The following ELL variants were observed in gnomAD, a reference collection of about 807,000 sequenced individuals.
ELL encodes the protein RNA polymerase II elongation factor ELL.
Under a neutral mutation model 64.0 loss-of-function variants are expected in ELL, and 18 were observed. The ratio of observed to expected loss-of-function variants is 0.28; its 90% CI spans 0.19 to 0.42. ELL has a LOEUF of 0.42. ELL is among the 10% of genes least tolerant of loss of function. The probability of loss-of-function intolerance (pLI) is 1.00; values close to 1 mark genes in which losing one functional copy is unlikely to be tolerated. For missense variants in ELL, 797 were observed against 870.4 expected (o/e 0.92, Z 1.06); for synonymous variants, 399 against 376.2 (o/e 1.06, Z -0.70).
At chr19:18,451,306 T>A (rs1166995203) in intron 7 of ELL, among the ~76,000 whole-genome samples, 1 of 152,126 alleles carries the variant, frequency 6.6e-6, no homozygotes, top group East Asian at 1.9e-4. Context: ...TGAGCCCACA[T>A]CAGGGAGCCG....
chr19:18,477,083 C>T (rs1975191655), intron 1 of ELL, among the ~76,000 whole-genome samples: 1 of 152,148 alleles, frequency 6.6e-6, no homozygotes, highest in Admixed American at 6.6e-5. Context: ...ACTGAACAGA[C>T]AGGGGCTTTG....
In ELL at chr19:18,466,052, C is replaced by T. The variant is rs1974929290; in HGVS notation, c.184-134G>A. 2.7e-5 allele frequency: 24 copies of T among 884,632 alleles called. 1 individual carries two copies. In the Admixed American group the frequency reaches 9.9e-4, roughly 36 times the overall value. The allele number at this position is 884,632 out of a possible 1,614,324, so 54.8% of individuals were successfully genotyped here. ...GCTGGCCCTTTTCCCTAAAACACAC[C>T]CCTGCTCTTCAGCCAGTGACGGGAC... On this transcript the variant is annotated intron_variant, in intron 2 of 11. Coordinates refer to ENST00000262809, the MANE Select transcript of ELL (RefSeq NM_006532.4).
At chr19:18,515,176 C>T (rs1976103335) in intron 1 of ELL, among the ~76,000 whole-genome samples, 1 of 152,254 alleles carries the variant, frequency 6.6e-6, no homozygotes, top group Non-Finnish European at 1.5e-5. Context: ...CTCACACACA[C>T]TCTTGCCTGC....
chr19:18,468,911 GCC>G (rs774662764), intron 2 of ELL, among the ~76,000 whole-genome samples: 108 of 152,252 alleles, frequency 7.1e-4, no homozygotes, highest in Non-Finnish European at 1.3e-3. Flanking sequence ...CACTGACAGG[GCC>G]CCCCTGCCTG....
intron 2 of ELL, among the ~76,000 whole-genome samples, chr19:18,467,021 C>T (rs1974952429): frequency 6.6e-6 from 1 of 152,202 alleles, no homozygotes; most frequent in Non-Finnish European, 1.5e-5. Flanking sequence ...TGCCACCAGA[C>T]ACGTGGAGGA....
intron 4 of ELL, among the ~76,000 whole-genome samples, chr19:18,462,864 G>A (rs1974856347): frequency 6.6e-6 from 1 of 152,180 alleles, no homozygotes; most frequent in Non-Finnish European, 1.5e-5. Context: ...TGAAGACCCT[G>A]AGGTGCAAGT....
chr19:18,518,657 G>C (rs1204042071), intron 1 of ELL, among the ~76,000 whole-genome samples: 2 of 151,972 alleles, frequency 1.3e-5, no homozygotes, highest in African/African-American at 2.4e-5. Context: ...CAGGCACGGT[G>C]ATGCGTGCCT....
At chr19:18,500,466 T>C (rs905001024) in intron 1 of ELL, among the ~76,000 whole-genome samples, 3 of 152,182 alleles carry the variant, frequency 2.0e-5, no homozygotes, top group Non-Finnish European at 4.4e-5. Context: ...CTTGTGACAT[T>C]TGAAATCTTA....
Position 18,482,336 on chromosome 19 carries a change from T to TTTC in ELL, c.136-9455_136-9454insGAA, listed in dbSNP as rs781472836. On this transcript the variant is annotated intron_variant, in intron 1 of 11. Transcript: ENST00000262809. Reference sequence around the variant, plus strand: ...TTTTTTTTTTTTTTTTTTTTTTTTTTAAACAGGGTCTCGCCCTGTCACCTA... The same window carrying TTTC: ...TTTTTTTTTTTTTTTTTTTTTTTTTTTTCAAACAGGGTCTCGCCCTGTCACCTA... 7.1e-3 allele frequency among the ~76,000 whole-genome samples: 908 copies of TTTC among 127,930 alleles called. 37 individuals are homozygous for TTTC. Among genetic ancestry groups the TTTC allele is most frequent in the Non-Finnish European group, 0.013 (766 of 59,142 alleles). The allele number at this position is 127,930 out of a possible 152,430, so 83.9% of individuals were successfully genotyped here.
chr19:18,480,108 C>T (rs1303102543), intron 1 of ELL, among the ~76,000 whole-genome samples: 1 of 152,254 alleles, frequency 6.6e-6, no homozygotes, highest in Non-Finnish European at 1.5e-5. Flanking sequence ...TCAGCACACA[C>T]GTCCTGATCT....
intron 1 of ELL, among the ~76,000 whole-genome samples, chr19:18,489,626 G>A (rs1279066056): frequency 6.6e-6 from 1 of 152,178 alleles, no homozygotes; most frequent in Non-Finnish European, 1.5e-5. Context: ...GCTTAGCCCT[G>A]CAGCCCCCAG....
At position 18,443,440 on chromosome 19, in the gene ELL, G is replaced by C. The variant is rs1224031743; in HGVS notation, c.*1312C>G. ...CTGTTCTCCCTGCCTGACTGCTGAT[G>C]GCAGCAGTGACCCCCATGTGATCCC... is the stretch of plus-strand genomic sequence containing the variant. On this transcript the variant is annotated 3_prime_UTR_variant, in exon 12 of 12. Coordinates refer to ENST00000262809, the MANE Select transcript of ELL (RefSeq NM_006532.4). 1 of 233,118 alleles carries C rather than the reference G, an allele frequency of 4.3e-6. No homozygotes were observed. The highest frequency in any genetic ancestry group is 8.5e-6 in the Non-Finnish European group (1 of 117,968). The allele number at this position is 233,118 out of a possible 1,614,324, so 14.4% of individuals were successfully genotyped here.
chr19:18,464,808 C>CG (rs1974901629), intron 4 of ELL, among the ~76,000 whole-genome samples: 1 of 152,226 alleles, frequency 6.6e-6, no homozygotes, highest in African/African-American at 2.4e-5. Context: ...TGTAAACAAA[C>CG]AGCACTGTGC....
intron 1 of ELL, among the ~76,000 whole-genome samples, chr19:18,484,904 C>T (rs184358505): frequency 2.0e-5 from 3 of 152,194 alleles, no homozygotes; most frequent in Non-Finnish European, 4.4e-5. Flanking sequence ...CAACTGCTTT[C>T]CCCCAGACAA....
chr19:18,505,930 C>A (rs1975877156), intron 1 of ELL, among the ~76,000 whole-genome samples: 1 of 152,146 alleles, frequency 6.6e-6, no homozygotes, highest in South Asian at 2.1e-4. Flanking sequence ...AGTCAGGTAC[C>A]CCCACCCTGT....
intron 1 of ELL, among the ~76,000 whole-genome samples, chr19:18,502,555 AT>A (rs1975802490): frequency 6.6e-6 from 1 of 152,176 alleles, no homozygotes; most frequent in Non-Finnish European, 1.5e-5. Context: ...AAGATCAAAT[AT>A]CCCCAACCAC....
intron 6 of ELL, among the ~76,000 whole-genome samples, chr19:18,451,922 C>G (rs745975880): frequency 1.1e-4 from 16 of 152,216 alleles, no homozygotes; most frequent in Non-Finnish European, 1.5e-5. Context: ...CAGGGACACA[C>G]GCTAGGGTGC....
intron 1 of ELL, among the ~76,000 whole-genome samples, chr19:18,515,023 T>C (rs538080544): frequency 6.6e-6 from 1 of 152,234 alleles, no homozygotes; most frequent in South Asian, 2.1e-4. Flanking sequence ...GCTTCAAAGG[T>C]GATGAACTAC....
Position 18,450,857 on chromosome 19 carries a change from C to A in ELL, c.1085G>T (p.Arg362Leu), listed in dbSNP as rs759462733. ...GCCCGGGGTGGGCAGCAAGGCCTCA[C>A]GGCCATTGGGCACGCCCAGCTTCCC... ...VNGKLGVPNG[R>L]EALLPTPGPP... Residue 362 changes from arginine to leucine, a missense_variant, in exon 8 of 12, where the codon CGT becomes CTT. Transcript: ENST00000262809. The A allele has an allele frequency of 1.9e-6, 3 of 1,590,210 alleles. No homozygotes were observed. Among genetic ancestry groups the A allele is most frequent in the Non-Finnish European group, 1.7e-6 (2 of 1,166,460 alleles).
Sources: gnomAD v4.1 joint callset for allele counts (sites outside exome capture counted in the v4.1 genomes callset) on GRCh38, gnomAD v4.1.1 for gene constraint, MANE v1.5 for transcripts, NCBI Gene and HGNC (gene_info 2026-07-23, HGNC 2026-07-21) for gene names.